RBFOX1: variants seen among roughly 807,000 people sequenced by gnomAD.
The protein encoded by RBFOX1 is RNA binding fox-1 homolog 1.
A neutral mutation model predicts 57.7 loss-of-function variants in RBFOX1; 8 were observed. That is an observed-to-expected ratio of 0.14 (90% CI 0.08 to 0.25). RBFOX1 has a LOEUF of 0.25. Among genes scored for constraint, RBFOX1 ranks in the 10% least tolerant of loss-of-function variants. RBFOX1 has a pLI of 1.00. For synonymous variants in RBFOX1, 326 were observed against 222.4 expected (o/e 1.47, Z -4.15); for missense variants, 611 against 548.5 (o/e 1.11, Z -1.14).
At chr16:7,543,563 A>C (rs1318348467) in intron 5 of RBFOX1, among the ~76,000 whole-genome samples, 1 of 152,160 alleles carries the variant, frequency 6.6e-6, no homozygotes, top group Non-Finnish European at 1.5e-5. Flanking sequence ...GTGGTGACAC[A>C]ACTGATTGAA....
chr16:5,519,125 C>G (rs932724812), intron 2 of RBFOX1, among the ~76,000 whole-genome samples: 1 of 152,262 alleles, frequency 6.6e-6, no homozygotes, highest in Admixed American at 6.5e-5. Flanking sequence ...TGATCTCAAA[C>G]TCCAAGCCTC....
At chr16:7,566,287 A>C (rs2152723352) in intron 5 of RBFOX1, among the ~76,000 whole-genome samples, 1 of 152,238 alleles carries the variant, frequency 6.6e-6, no homozygotes, top group South Asian at 2.1e-4. Flanking sequence ...TGGTTGGATG[A>C]GCTAGGGCCT....
intron 3 of RBFOX1, among the ~76,000 whole-genome samples, chr16:5,770,713 C>T (rs2151674975): frequency 6.6e-6 from 1 of 152,154 alleles, no homozygotes; most frequent in African/African-American, 2.4e-5. Context: ...AGTTTTGGTG[C>T]TCGCCTGCAT....
At chr16:6,127,372 A>T (rs548401902) in intron 1 of RBFOX1, among the ~76,000 whole-genome samples, 32 of 151,630 alleles carry the variant, frequency 2.1e-4, no homozygotes, top group South Asian at 2.1e-4. Context: ...ATTTTTTTTT[A>T]AAAATTGCTC....
chr16:6,338,690 A>T (rs553336181), intron 2 of RBFOX1, among the ~76,000 whole-genome samples: 117 of 152,334 alleles, frequency 7.7e-4, no homozygotes, highest in African/African-American at 2.6e-3. Flanking sequence ...CTTCTAAGAC[A>T]TACAATGGCA....
chr16:6,594,189 G>A (rs1406556544), intron 2 of RBFOX1, among the ~76,000 whole-genome samples: 2 of 152,188 alleles, frequency 1.3e-5, no homozygotes, highest in Non-Finnish European at 2.9e-5. Context: ...GTAAGAGTGT[G>A]AAGTGCCCAG....
At chr16:6,392,326 G>A (rs1489352480) in intron 2 of RBFOX1, among the ~76,000 whole-genome samples, 1 of 152,072 alleles carries the variant, frequency 6.6e-6, no homozygotes, top group African/African-American at 2.4e-5. Context: ...ATATTTACAC[G>A]GTTTTTCTAG....
chr16:5,999,509 C>G (rs754883052), intron 4 of RBFOX1, among the ~76,000 whole-genome samples: 2 of 152,122 alleles, frequency 1.3e-5, no homozygotes, highest in Non-Finnish European at 2.9e-5. Context: ...CATGCTAAGG[C>G]TTTATAAAGA....
chr16:7,308,288 C>T (rs1207735229), intron 4 of RBFOX1, among the ~76,000 whole-genome samples: 2 of 110,118 alleles, frequency 1.8e-5, no homozygotes, highest in Non-Finnish European at 3.5e-5. Flanking sequence ...TCAGATTCCA[C>T]CCAGAGCTGT....
chr16:5,587,307 T>C (rs1221243453), intron 2 of RBFOX1, among the ~76,000 whole-genome samples: 4 of 152,140 alleles, frequency 2.6e-5, no homozygotes, highest in Non-Finnish European at 5.9e-5. Context: ...GATTCACAAA[T>C]GGCCAGTAAT....
chr16:7,291,955 A>G (rs1250278962), intron 4 of RBFOX1, among the ~76,000 whole-genome samples: 1 of 106,774 alleles, frequency 9.4e-6, no homozygotes. Flanking sequence ...TTATGTATAT[A>G]ATATATAATA....
intron 3 of RBFOX1, among the ~76,000 whole-genome samples, chr16:6,992,015 A>G (rs1342340282): frequency 6.6e-6 from 1 of 151,948 alleles, no homozygotes; most frequent in Non-Finnish European, 1.5e-5. Flanking sequence ...TGAAAACTAC[A>G]CCTTGAAAAC....
chr16:7,700,409 G>A (rs543718001), intron 14 of RBFOX1, among the ~76,000 whole-genome samples: 1 of 152,128 alleles, frequency 6.6e-6, no homozygotes, highest in East Asian at 1.9e-4. Flanking sequence ...TTAGCAAGAA[G>A]TAACAGTCAG....
chr16:6,197,707 A>G (rs1360649746), intron 1 of RBFOX1, among the ~76,000 whole-genome samples: 3 of 151,340 alleles, frequency 2.0e-5, no homozygotes, highest in Non-Finnish European at 4.4e-5. Context: ...AAGTCATGTC[A>G]TGGGGATTCG....
intron 1 of RBFOX1, among the ~76,000 whole-genome samples, chr16:5,344,613 G>A (rs553549765): frequency 5.3e-4 from 80 of 152,082 alleles, no homozygotes; most frequent in Non-Finnish European, 9.3e-4. Context: ...CCCCTCCCCC[G>A]GCTGTGAGGA....
chr16:6,999,290 C>T lies in RBFOX1; in HGVS notation c.-15-52767C>T, dbSNP rs919586435. 2.1e-5 allele frequency among the ~76,000 whole-genome samples: 3 copies of T among 145,554 alleles called. No individual in the cohort carries two copies. The Admixed American group carries it at 2.1e-4, about 10-fold the overall frequency. ...CAGGCTGGTCCTGAACTCCTGGGTT[C>T]AAGCGGTCCACCTGCCTCGGCCTCC... On this transcript the variant is annotated intron_variant, in intron 3 of 15. Transcript: ENST00000550418.
At chr16:6,962,389 C>A (rs1454813853) in intron 3 of RBFOX1, among the ~76,000 whole-genome samples, 1 of 152,134 alleles carries the variant, frequency 6.6e-6, no homozygotes, top group Non-Finnish European at 1.5e-5. Context: ...TTCGACTTAT[C>A]TTTTTAGGAG....
chr16:5,932,529 C>A (rs987255944), intron 4 of RBFOX1, among the ~76,000 whole-genome samples: 7 of 152,196 alleles, frequency 4.6e-5, no homozygotes, highest in Non-Finnish European at 7.3e-5. Flanking sequence ...CCTTACAGAA[C>A]TGTGAGCGAA....
chr16:7,294,786 GA>G, intron 4 of RBFOX1, among the ~76,000 whole-genome samples: 1 of 152,064 alleles, frequency 6.6e-6, no homozygotes, highest in Non-Finnish European at 1.5e-5. Flanking sequence ...TGATGATGAT[GA>G]TGATGATGAT....
Sources: gnomAD v4.1 joint callset for allele counts (sites outside exome capture counted in the v4.1 genomes callset) on GRCh38, gnomAD v4.1.1 for gene constraint, MANE v1.5 for transcripts, NCBI Gene and HGNC (gene_info 2026-07-23, HGNC 2026-07-21) for gene names.